Variants in TRERF1 observed in about 807,000 individuals in gnomAD.
TRERF1 encodes the protein transcriptional-regulating factor 1.
In TRERF1, 27 loss-of-function variants were observed where a neutral mutation model predicts 122.9. The ratio of observed to expected loss-of-function variants is 0.22; its 90% CI spans 0.16 to 0.30. The LOEUF is 0.30. Among genes scored for constraint, TRERF1 ranks in the 10% least tolerant of loss-of-function variants. The pLI, the probability that TRERF1 is intolerant of heterozygous loss-of-function variation, is 1.00. For missense variants in TRERF1, 1,248 were observed against 1,560.3 expected, an observed-to-expected ratio of 0.80 and a Z score of 3.37; for synonymous variants, 636 against 641.7, an observed-to-expected ratio of 0.99 and a Z score of 0.13.
chr6:42,379,156 C>A (rs1296467119), intron 2 of TRERF1, among the ~76,000 whole-genome samples: 2 of 151,878 alleles, frequency 1.3e-5, no homozygotes, highest in African/African-American at 2.4e-5. Context: ...GTGTGTACCA[C>A]CCCCCACAGT....
At chr6:42,421,088 T>C (rs962938034) in intron 2 of TRERF1, among the ~76,000 whole-genome samples, 1 of 152,226 alleles carries the variant, frequency 6.6e-6, no homozygotes, top group Non-Finnish European at 1.5e-5. Context: ...GGGAAAGTCA[T>C]TCAGTCTCTT....
intron 17 of TRERF1, among the ~76,000 whole-genome samples, chr6:42,229,063 A>C (rs1454368709): frequency 6.6e-6 from 1 of 152,190 alleles, no homozygotes; most frequent in Non-Finnish European, 1.5e-5. Flanking sequence ...CCCCATCATG[A>C]AACAACCCAC....
At chr6:42,226,826 C>G (rs1307299482) in exon 18 of TRERF1, 1 of 152,266 alleles carries the variant, frequency 6.6e-6, no homozygotes, top group Non-Finnish European at 1.5e-5. Context: ...GCGTGATAGG[C>G]ACACCTACGT....
intron 3 of TRERF1, among the ~76,000 whole-genome samples, chr6:42,354,386 CTT>C (rs11339393): frequency 5.0e-4 from 73 of 145,340 alleles, no homozygotes; most frequent in African/African-American, 1.6e-3. Context: ...TGTTGTTTCC[CTT>C]TTTTTTTTTC....
chr6:42,299,752 A>T (rs1213531190), intron 4 of TRERF1, among the ~76,000 whole-genome samples: 1 of 152,250 alleles, frequency 6.6e-6, no homozygotes, highest in Non-Finnish European at 1.5e-5. Flanking sequence ...TTCAATGCAT[A>T]TTTCAAACTC....
At chr6:42,339,968 C>T (rs981409238) in intron 3 of TRERF1, among the ~76,000 whole-genome samples, 1 of 152,198 alleles carries the variant, frequency 6.6e-6, no homozygotes, top group Non-Finnish European at 1.5e-5. Context: ...CGACCATCAA[C>T]ATGTCTTGAC....
At chr6:42,280,653 G>A (rs1253330151) in intron 4 of TRERF1, among the ~76,000 whole-genome samples, 1 of 152,104 alleles carries the variant, frequency 6.6e-6, no homozygotes, top group Non-Finnish European at 1.5e-5. Context: ...AGGCAGATGA[G>A]TGAGGCTCCT....
At position 42,295,003 on chromosome 6, in the gene TRERF1, G is replaced by A. The variant is rs574831838; in HGVS notation, c.-259+5635C>T. Among the ~76,000 whole-genome samples the A allele has an allele frequency of 2.7e-5, 4 of 147,720 alleles. No homozygotes were observed. In the East Asian group the frequency reaches 8.5e-4, roughly 32 times the overall value. On this transcript the variant is annotated intron_variant, in intron 4 of 17. Coordinates refer to ENST00000372922, the Ensembl canonical transcript of TRERF1. ...ACAGAGGCTGTTAATAGACTTTGAG[G>A]TTTGCTGGTGGGAACAAGGGGTGGG...
intron 3 of TRERF1, among the ~76,000 whole-genome samples, chr6:42,301,707 A>T (rs1450813745): frequency 6.6e-6 from 1 of 152,254 alleles, no homozygotes; most frequent in Non-Finnish European, 1.5e-5. Context: ...GTTACTAAGC[A>T]CCGACTCAAT....
At chr6:42,410,037 T>C (rs908485554) in intron 2 of TRERF1, among the ~76,000 whole-genome samples, 1 of 152,248 alleles carries the variant, frequency 6.6e-6, no homozygotes, top group Non-Finnish European at 1.5e-5. Flanking sequence ...TCAGGCACCG[T>C]GCTGAATAAT....
At chr6:42,383,975 T>A (rs985471752) in intron 2 of TRERF1, among the ~76,000 whole-genome samples, 1 of 151,776 alleles carries the variant, frequency 6.6e-6, no homozygotes, top group African/African-American at 2.4e-5. Context: ...CATCAATGAA[T>A]GAGACATCCT....
intron 8 of TRERF1, among the ~76,000 whole-genome samples, chr6:42,261,798 A>G (rs567810037): frequency 9.6e-4 from 146 of 152,246 alleles, no homozygotes; most frequent in Non-Finnish European, 1.3e-3. Context: ...TCACCCTTCC[A>G]TTAAGCCAAG....
chr6:42,392,018 C>A (rs1777823119), intron 2 of TRERF1, among the ~76,000 whole-genome samples: 1 of 152,158 alleles, frequency 6.6e-6, no homozygotes, highest in South Asian at 2.1e-4. Flanking sequence ...CCAGCTTCAC[C>A]CCATCAGCCT....
Position 42,259,571 on chromosome 6 carries a change from G to C in TRERF1, c.2037C>G (p.Gly679=). 1 of 1,613,794 alleles carries C rather than the reference G, an allele frequency of 6.2e-7. No homozygotes were observed. Among genetic ancestry groups the C allele is most frequent in the Non-Finnish European group, 8.5e-7 (1 of 1,179,886 alleles). The change falls in exon 9 of 18, where the codon GGC becomes GGG. Residue 679 remains glycine (G), a synonymous_variant. Coordinates refer to ENST00000372922, the Ensembl canonical transcript of TRERF1. The surrounding 1 kb of genome is among the most constrained non-coding windows in gnomAD (Gnocchi z 4.9). Reference sequence around the variant, plus strand: ...GCAGCTGGCTCTGGTACAGGGTGGCGCCCGAGTAGGAGGCAGCGGGGTTCG... The same window carrying C: ...GCAGCTGGCTCTGGTACAGGGTGGCCCCCGAGTAGGAGGCAGCGGGGTTCG...
chr6:42,420,387 T>C lies in TRERF1; in HGVS notation c.-454+30790A>G, dbSNP rs1198488794. On this transcript the variant is annotated intron_variant, in intron 2 of 17. Coordinates refer to ENST00000372922, the Ensembl canonical transcript of TRERF1. ...GAAGCTCCAGTCCACAAAGAACCCA[T>C]CCACCAATCGCCTCCCGTGGTCCAC... 2.0e-5 allele frequency among the ~76,000 whole-genome samples: 3 copies of C among 152,064 alleles called. No individual in the cohort carries two copies. In the East Asian group the frequency reaches 5.8e-4, roughly 29 times the overall value.
At chr6:42,254,445 T>C (rs1218364267) in intron 13 of TRERF1, among the ~76,000 whole-genome samples, 1 of 152,146 alleles carries the variant, frequency 6.6e-6, no homozygotes. Flanking sequence ...GGAATACAAG[T>C]CTCATTTTAC....
At chr6:42,451,694 T>G (rs1788569205) in intron 1 of TRERF1, among the ~76,000 whole-genome samples, 1 of 144,370 alleles carries the variant, frequency 6.9e-6, no homozygotes, top group Non-Finnish European at 1.5e-5. Context: ...GCGTGCAGGC[T>G]CTCCTGATGC....
rs1251705158 is a variant in TRERF1 at position 42,269,819 on chromosome 6, A to T, written c.-229T>A. ...TCCCTGGCTGAGGTATAGACCACAC[A>T]GCACTGTGGTGAGGAGACGTCGCTC... On this transcript the variant is annotated 5_prime_UTR_variant, in exon 5 of 18. Coordinates refer to ENST00000372922, the Ensembl canonical transcript of TRERF1. This position sits in a 1 kb window ranked among gnomAD's most constrained non-coding sequence, Gnocchi z 4.9. The T allele has an allele frequency of 1.2e-5, 14 of 1,207,490 alleles. No homozygotes were observed. The highest frequency in any genetic ancestry group is 6.1e-5 in the African/African-American group (4 of 65,270). 74.8% of individuals were successfully genotyped at this position (1,207,490 alleles called of 1,614,324 possible). A position where few individuals can be genotyped will look rare whatever the true frequency, so the allele number is the denominator to read the frequency against.
intron 4 of TRERF1, among the ~76,000 whole-genome samples, chr6:42,278,519 G>A (rs911142224): frequency 1.3e-5 from 2 of 152,114 alleles, no homozygotes; most frequent in South Asian, 2.1e-4. Context: ...CACACTTACC[G>A]CACCTTTCAG....
Sources: gnomAD v4.1 joint callset for allele counts (sites outside exome capture counted in the v4.1 genomes callset) on GRCh38, gnomAD v4.1.1 for gene constraint, Gnocchi (gnomAD v3.1) non-coding constraint, MANE v1.5 for transcripts, NCBI Gene and HGNC (gene_info 2026-07-23, HGNC 2026-07-21) for gene names.